Variants in ZNF300 observed in about 807,000 individuals in gnomAD.
ZNF300 encodes zinc finger protein 300, also known as kruppel-like zinc finger protein.
Under a neutral mutation model 13.9 loss-of-function variants are expected in ZNF300, and 6 were observed. That is an observed-to-expected ratio of 0.43 (90% confidence interval 0.24 to 0.85). The LOEUF (loss-of-function observed/expected upper bound fraction) is 0.85. Among genes scored for constraint, ZNF300 ranks in the 40% least tolerant of loss-of-function variants. The pLI is 0.25. For synonymous variants in ZNF300, 237 were observed against 242.2 expected (o/e 0.98, Z 0.20); for missense variants, 662 against 714.2 (o/e 0.93, Z 0.83).
intron 3 of ZNF300, among the ~76,000 whole-genome samples, chr5:150,899,788 A>G (rs985172385): frequency 1.2e-4 from 19 of 152,166 alleles, no homozygotes; most frequent in Non-Finnish European, 2.5e-4. Flanking sequence ...AACTAATAGC[A>G]GAAACTAATC....
rs149373174 is a variant in ZNF300, at chr5:150,895,330, A to G, written c.*94T>C. ...CAAATTCCCTTAAAAATTTTTATCTATTGGGATGTTGTCCCCAAGCTTATC... is the reference window on the plus strand; with the variant it reads ...CAAATTCCCTTAAAAATTTTTATCTGTTGGGATGTTGTCCCCAAGCTTATC... On this transcript the variant is annotated 3_prime_UTR_variant, in exon 6 of 6. Coordinates refer to ENST00000274599, the MANE Select transcript of ZNF300 (RefSeq NM_052860.4). The G allele has an allele frequency of 2.8e-5, 27 of 978,582 alleles. No homozygotes were observed. Among genetic ancestry groups the G allele is most frequent in the Non-Finnish European group, 3.5e-5 (24 of 692,402 alleles). 60.6% of individuals were successfully genotyped at this position (978,582 alleles called of 1,614,324 possible). A position where few individuals can be genotyped will look rare whatever the true frequency, so the allele number is the denominator to read the frequency against.
In ZNF300 at chr5:150,898,103, T is replaced by C. The variant is rs1754860133; in HGVS notation, c.224A>G (p.Asn75Ser). ...EPWIIKGDIS[N>S]WIYPDEYQAD... ...CTGATATTCATCTGGATAGATCCAA[T>C]TTGATATGTCTCCCTTTATGATCCA... Residue 75 changes from asparagine (N) to serine (S), a missense_variant, in exon 5 of 6, where the codon AAT becomes AGT. By Grantham distance (46) the Asn-to-Ser change is conservative. Transcript: ENST00000274599. 5 of 1,613,688 alleles carry C rather than the reference T, an allele frequency of 3.1e-6. No individual in the cohort carries two copies. Among genetic ancestry groups the C allele is most frequent in the South Asian group, 2.2e-5 (2 of 91,058 alleles).
Position 150,898,073 on chromosome 5 carries a change from T to A in ZNF300, c.254A>T (p.Asp85Val), listed in dbSNP as rs769077838. Residue 85 changes from aspartate to valine, a missense_variant, in exon 5 of 6, where the codon GAT becomes GTT. Asp to Val is a radical substitution (Grantham distance 152). Coordinates refer to ENST00000274599, the MANE Select transcript of ZNF300 (RefSeq NM_052860.4). ...NWIYPDEYQA[D>V]GRQDRKSNLH... ...GATATTTCACTTCCCTTGTCTCCCA[T>A]CTGCCTGATATTCATCTGGATAGAT... 1 of 1,610,774 alleles carries A rather than the reference T, an allele frequency of 6.2e-7. No homozygotes were observed. Among genetic ancestry groups the A allele is most frequent in the Admixed American group, 1.7e-5 (1 of 59,230 alleles).
At chr5:150,900,097 A>C (rs1412787442) in intron 3 of ZNF300, among the ~76,000 whole-genome samples, 1 of 152,106 alleles carries the variant, frequency 6.6e-6, no homozygotes, top group Non-Finnish European at 1.5e-5. Context: ...TGAGGATTAC[A>C]GTGGTTAAGT....
At position 150,896,082 on chromosome 5, in the gene ZNF300, C is replaced by T. The variant is rs1754760453; in HGVS notation, c.1157G>A (p.Cys386Tyr). The T allele has an allele frequency of 6.2e-7, 1 of 1,613,462 alleles. No individual in the cohort carries two copies. Among genetic ancestry groups the T allele is most frequent in the African/African-American group, 1.3e-5 (1 of 74,874 alleles). Residue 386 changes from cysteine (C) to tyrosine (Y), a missense_variant, in exon 6 of 6, where the codon TGT (cysteine) becomes TAT (tyrosine). Coordinates refer to ENST00000274599, the MANE Select transcript of ZNF300 (RefSeq NM_052860.4). ...TGACTTCTGGGAAAAGGCCTTCCCACACTCTCTACATTCATAGGGTTTTTC... is the reference window on the plus strand; with the variant it reads ...TGACTTCTGGGAAAAGGCCTTCCCATACTCTCTACATTCATAGGGTTTTTC... ...TGEKPYECRE[C>Y]GKAFSQKSQL... is the part of the protein sequence containing the mutation.
Position 150,895,481 on chromosome 5 carries a change from G to A in ZNF300, c.1758C>T (p.Phe586=). ...PYQCAICGKA[F]IQKSQLTVHQ... ...GTACAGTTAGTTGTGACTTCTGGAT[G>A]AAGGCCTTCCCACATATAGCACATT... Residue 586 remains phenylalanine (F), a synonymous_variant, in exon 6 of 6, where the codon TTC becomes TTT. Coordinates refer to ENST00000274599, the MANE Select transcript of ZNF300 (RefSeq NM_052860.4). 1 of 1,612,980 alleles carries A rather than the reference G, an allele frequency of 6.2e-7. No homozygotes were observed. The highest frequency in any genetic ancestry group is 8.5e-7 in the Non-Finnish European group (1 of 1,179,410).
Position 150,898,457 on chromosome 5 carries a change from A to G in ZNF300, c.113T>C (p.Leu38Pro). ...SQRTLYRDVM[L>P]ENYSHLVSMG... is the part of the protein sequence containing the mutation. ...TGAGACCAGGTGGCTGTAGTTCTCC[A>G]GCATCACATCCCTGTACAGGGTCCT... The change falls in exon 4 of 6, where the codon CTG (leucine) becomes CCG (proline). Residue 38 changes from leucine (L) to proline (P), a missense_variant. Physicochemically the swap from Leu to Pro is moderately conservative, Grantham distance 98 (BLOSUM62 -3). Transcript: ENST00000274599. The G allele has an allele frequency of 6.2e-7, 1 of 1,613,480 alleles. No individual in the cohort carries two copies. The highest frequency in any genetic ancestry group is 8.5e-7 in the Non-Finnish European group (1 of 1,179,584).
At chr5:150,901,532 C>T (rs1239958400) in intron 3 of ZNF300, among the ~76,000 whole-genome samples, 1 of 151,908 alleles carries the variant, frequency 6.6e-6, no homozygotes, top group Non-Finnish European at 1.5e-5. Flanking sequence ...AAAACAAAAA[C>T]AACAATGAAA....
At chr5:150,902,084 A>G (rs990440987) in intron 3 of ZNF300, among the ~76,000 whole-genome samples, 1 of 152,214 alleles carries the variant, frequency 6.6e-6, no homozygotes, top group African/African-American at 2.4e-5. Flanking sequence ...AACACTGATT[A>G]TCCTGGGAGA....
Position 150,903,142 on chromosome 5 carries a change from T to TG in ZNF300, c.13dup (p.Gln5ProfsTer22). 2.5e-6 allele frequency: 4 copies of TG among 1,612,972 alleles called. No homozygotes were observed. The South Asian group carries it at 4.4e-5, about 18-fold the overall frequency. On this transcript the variant is annotated frameshift_variant and splice_region_variant, in exon 3 of 6. Transcript: ENST00000274599. LOFTEE classifies it high-confidence loss of function. The stretch of plus-strand genomic sequence containing the variant: ...TTTTTTTTTTAAAAAGCAACTCACC[T>TG]GGGACTTCATCATTTTTTGCTCTTC...
Position 150,895,529 on chromosome 5 carries a change from A to C in ZNF300, c.1710T>G (p.Ile570Met). The C allele has an allele frequency of 6.2e-7, 1 of 1,613,520 alleles. No individual in the cohort carries two copies. Among genetic ancestry groups the C allele is most frequent in the Non-Finnish European group, 8.5e-7 (1 of 1,179,724 alleles). ...QKSDLVLHQR[I>M]HTGERPYQCA... ...ATTGATAGGGTCTTTCCCCAGTATGAATCCTCTGATGTAAAACAAGGTCTG... is the reference window on the plus strand; with the variant it reads ...ATTGATAGGGTCTTTCCCCAGTATGCATCCTCTGATGTAAAACAAGGTCTG... Residue 570 changes from isoleucine to methionine, a missense_variant, in exon 6 of 6, where the codon ATT (isoleucine) becomes ATG (methionine). Physicochemically the swap from Ile to Met is conservative, Grantham distance 10 (BLOSUM62 1). Coordinates refer to ENST00000274599, the MANE Select transcript of ZNF300 (RefSeq NM_052860.4).
At chr5:150,903,742 T>C (rs1183901561) in intron 2 of ZNF300, 122 bp downstream of exon 2, 1 of 208,422 alleles carries the variant, frequency 4.8e-6, no homozygotes, top group Non-Finnish European at 9.7e-6. Flanking sequence ...AATTTTAAGA[T>C]GTTTTCTGTT....
In ZNF300 at chr5:150,898,524, C is replaced by A. The variant is rs1443801507; in HGVS notation, c.46G>T (p.Asp16Tyr). The change falls in exon 4 of 6, where the codon GAT (aspartate) becomes TAT (tyrosine). Residue 16 changes from aspartate (D) to tyrosine (Y), a missense_variant. By Grantham distance (160) the Asp-to-Tyr change is radical. Coordinates refer to ENST00000274599, the MANE Select transcript of ZNF300 (RefSeq NM_052860.4). ...TGCTGCCACTCCTCCTGGGTGAAAT[C>A]CACAGCCACATCCTTGAATGATACT... is the stretch of plus-strand genomic sequence containing the variant. ...GLVSFKDVAV[D>Y]FTQEEWQQLD... The A allele has an allele frequency of 6.2e-7, 1 of 1,612,700 alleles. No individual in the cohort carries two copies.
Position 150,896,859 on chromosome 5 carries a change from A to T in ZNF300, c.380T>A (p.Val127Asp). The change falls in exon 6 of 6, where the codon GTC becomes GAC. Residue 127 changes from valine to aspartate, a missense_variant. By Grantham distance (152) the Val-to-Asp change is radical (BLOSUM62 -3). Transcript: ENST00000274599. ...RDGSLCSILK[V>D]CQGDGQLQRF... ...CTGCAGCTGACCATCACCTTGACAG[A>T]CTTTTAAAATGGAGCACAATGAACC... 6.2e-7 allele frequency: 1 copy of T among 1,613,700 alleles called. No individual in the cohort carries two copies. Among genetic ancestry groups the T allele is most frequent in the East Asian group, 2.2e-5 (1 of 44,852 alleles).
At chr5:150,901,979 A>T (rs1465144222) in intron 3 of ZNF300, among the ~76,000 whole-genome samples, 2 of 152,152 alleles carry the variant, frequency 1.3e-5, no homozygotes, top group African/African-American at 2.4e-5. Context: ...AAAATAAGAG[A>T]CATTCTCACA....
chr5:150,896,849 A>G lies in ZNF300; in HGVS notation c.390T>C (p.Gly130=). The G allele has an allele frequency of 1.9e-6, 3 of 1,613,660 alleles. No individual in the cohort carries two copies. Among genetic ancestry groups the G allele is most frequent in the Non-Finnish European group, 2.5e-6 (3 of 1,179,728 alleles). The change falls in exon 6 of 6, where the codon GGT becomes GGC. Residue 130 remains glycine, a synonymous_variant. Transcript: ENST00000274599. The stretch of plus-strand genomic sequence containing the variant: ...CTAGAAATCTCTGCAGCTGACCATC[A>G]CCTTGACAGACTTTTAAAATGGAGC... ...SLCSILKVCQ[G]DGQLQRFLEN...
rs562053848 is a variant in ZNF300 at position 150,903,712 on chromosome 5, T to C, written c.-28+152A>G. Among the ~76,000 whole-genome samples, 16 of 152,326 alleles carry C rather than the reference T, an allele frequency of 1.1e-4. 1 individual carries two copies. In the South Asian group the frequency reaches 3.3e-3, roughly 32 times the overall value. On this transcript the variant is annotated intron_variant, in intron 2 of 5. Transcript: ENST00000274599. ...ACTTAGAAAACTCTTGCTAAATCAA[T>C]GTGCATGAACTCAAAGGTTAATTTT...
chr5:150,903,393 G>C, intron 2 of ZNF300: 1 of 1,534,842 alleles, frequency 6.5e-7, no homozygotes, highest in Non-Finnish European at 8.8e-7. Context: ...CCTATAATAT[G>C]ATCACATAGA....
chr5:150,895,729 G>A lies in ZNF300; in HGVS notation c.1510C>T (p.Gln504Ter), dbSNP rs745330050. ...KCSECGKAFC[Q>*]KSHLIGHQRI... is the part of the protein sequence containing the mutation. ...TGATGTCCAATGAGATGTGACTTCTGGCAGAAGGCTTTGCCACATTCACTA... is the reference window on the plus strand; with the variant it reads ...TGATGTCCAATGAGATGTGACTTCTAGCAGAAGGCTTTGCCACATTCACTA... Residue 504 changes from glutamine to a stop codon, truncating the protein, a stop_gained, in exon 6 of 6, where the codon CAG becomes TAG. Coordinates refer to ENST00000274599, the MANE Select transcript of ZNF300 (RefSeq NM_052860.4). LOFTEE classifies it low-confidence loss of function (END_TRUNC). 1.1e-5 allele frequency: 17 copies of A among 1,613,508 alleles called. No individual in the cohort carries two copies. The highest frequency in any genetic ancestry group is 6.7e-5 in the East Asian group (3 of 44,852).
Sources: allele counts gnomAD v4.1 joint callset (sites outside exome capture counted in the v4.1 genomes callset), GRCh38; gene constraint gnomAD v4.1.1; transcripts MANE v1.5; gene names NCBI Gene and HGNC (gene_info 2026-07-23, HGNC 2026-07-21).